GRM8: variants seen among roughly 807,000 people sequenced by gnomAD.
GRM8 encodes glutamate metabotropic receptor 8.
GRM8 carries 47 observed loss-of-function variants against 87.2 expected under a neutral mutation model. The observed-to-expected ratio is 0.54, with a 90% CI of 0.43 to 0.69. The LOEUF (loss-of-function observed/expected upper bound fraction) is 0.69, where lower values mean the gene tolerates loss of function less well. Ranked by LOEUF, GRM8 falls within the 30% of genes least tolerant of loss-of-function variation. GRM8 has a pLI of 0.00. For synonymous variants in GRM8, 396 were observed against 404.5 expected, an observed-to-expected ratio of 0.98 and a Z score of 0.25; for missense variants, 1,019 against 1,139.2, an observed-to-expected ratio of 0.89 and a Z score of 1.52.
At chr7:127,215,455 A>G (rs1472019256) in intron 2 of GRM8, among the ~76,000 whole-genome samples, 4 of 151,812 alleles carry the variant, frequency 2.6e-5, no homozygotes, top group South Asian at 4.2e-4. Flanking sequence ...ACCTTGTAAC[A>G]GCGCCCAAGT....
intron 10 of GRM8, among the ~76,000 whole-genome samples, chr7:126,440,162 C>G (rs1035666054): frequency 7.9e-5 from 12 of 151,758 alleles, no homozygotes; most frequent in Admixed American, 7.9e-4. Flanking sequence ...GTCTGTAATC[C>G]CAGCACTTTG....
chr7:126,592,471 T>C (rs886166965), intron 8 of GRM8, among the ~76,000 whole-genome samples: 17 of 152,156 alleles, frequency 1.1e-4, no homozygotes, highest in African/African-American at 3.8e-4. Context: ...CAAGGATGGT[T>C]CAACATATGT....
At chr7:127,114,426 C>T (rs1563523031) in intron 2 of GRM8, among the ~76,000 whole-genome samples, 1 of 152,118 alleles carries the variant, frequency 6.6e-6, no homozygotes, top group Non-Finnish European at 1.5e-5. Context: ...TACACACCTG[C>T]ACAAAAGGGG....
At chr7:126,894,183 A>G (rs1334480901) in intron 6 of GRM8, among the ~76,000 whole-genome samples, 1 of 152,068 alleles carries the variant, frequency 6.6e-6, no homozygotes, top group Non-Finnish European at 1.5e-5. Flanking sequence ...GGTTCCCTCA[A>G]CTGAAGTTTA....
intron 2 of GRM8, among the ~76,000 whole-genome samples, chr7:127,188,307 T>C (rs1794841988): frequency 6.6e-6 from 1 of 152,220 alleles, no homozygotes; most frequent in Admixed American, 6.5e-5. Flanking sequence ...ATTATGCCTC[T>C]GAAATAATTA....
chr7:127,222,041 C>G (rs1211280135), intron 2 of GRM8, among the ~76,000 whole-genome samples: 1 of 152,188 alleles, frequency 6.6e-6, no homozygotes, highest in East Asian at 1.9e-4. Flanking sequence ...AGAGAAATGC[C>G]CCCACAGTGT....
At chr7:127,006,702 T>C (rs1045270681) in intron 3 of GRM8, among the ~76,000 whole-genome samples, 31 of 152,168 alleles carry the variant, frequency 2.0e-4, no homozygotes, top group African/African-American at 6.7e-4. Flanking sequence ...TTTTCTTTTT[T>C]CCTCAGTTTC....
intron 3 of GRM8, among the ~76,000 whole-genome samples, chr7:127,020,286 C>T (rs375239224): frequency 2.0e-5 from 3 of 152,228 alleles, no homozygotes; most frequent in East Asian, 3.9e-4. Context: ...GGTCATATGC[C>T]TGGGCACAGC....
At chr7:126,825,911 C>T (rs1586091299) in intron 6 of GRM8, among the ~76,000 whole-genome samples, 1 of 150,526 alleles carries the variant, frequency 6.6e-6, no homozygotes. Flanking sequence ...TGATGTTCCC[C>T]TTCCTGTGTC....
rs61751057 is a variant in GRM8, at chr7:126,533,826, G to A, written c.1556C>T (p.Pro519Leu). The change falls in exon 9 of 11, where the codon CCG becomes CTG. Residue 519 changes from proline (P) to leucine (L), a missense_variant. Pro to Leu is a moderately conservative substitution (Grantham distance 98). Coordinates refer to ENST00000339582, the MANE Select transcript of GRM8 (RefSeq NM_000845.3). ...TTTCTTCCTCTCCCCTGGCTTACACGGCAGGCTGCAGACAGACGCCGGGTG... is the reference window on the plus strand; with the variant it reads ...TTTCTTCCTCTCCCCTGGCTTACACAGCAGGCTGCAGACAGACGCCGGGTG... The part of the protein sequence containing the change: ...HTHPASVCSL[P>L]CKPGERKKTV... 29 of 1,613,980 alleles carry A rather than the reference G, an allele frequency of 1.8e-5. No individual in the cohort carries two copies. The highest frequency in any genetic ancestry group is 1.1e-4 in the East Asian group (5 of 44,880).
Position 126,772,911 on chromosome 7 carries a change from T to C in GRM8, c.1157-2846A>G, listed in dbSNP as rs117239746. ...GAGTTCAGTTTTCTAAGTTAAAATG[T>C]CAGAGGGCTAATTTAATTGTCCTGA... On this transcript the variant is annotated intron_variant, in intron 6 of 10. Coordinates refer to ENST00000339582, the MANE Select transcript of GRM8 (RefSeq NM_000845.3). Among the ~76,000 whole-genome samples, 773 of 152,252 alleles carry C rather than the reference T, an allele frequency of 5.1e-3. 4 individuals carry two copies. The highest frequency in any genetic ancestry group is 8.7e-3 in the Non-Finnish European group (595 of 68,012).
At chr7:126,816,196 A>G (rs1238567154) in intron 6 of GRM8, among the ~76,000 whole-genome samples, 1 of 152,020 alleles carries the variant, frequency 6.6e-6, no homozygotes, top group Non-Finnish European at 1.5e-5. Flanking sequence ...AAGATGCCCC[A>G]CTTCCAGATG....
chr7:126,492,433 A>G (rs1808132598), intron 9 of GRM8, among the ~76,000 whole-genome samples: 1 of 152,070 alleles, frequency 6.6e-6, no homozygotes, highest in South Asian at 2.1e-4. Flanking sequence ...CAATGAGTAC[A>G]GTGTTATTAT....
intron 3 of GRM8, among the ~76,000 whole-genome samples, chr7:127,042,758 C>T (rs1397796286): frequency 2.0e-5 from 3 of 152,170 alleles, no homozygotes; most frequent in Non-Finnish European, 2.9e-5. Context: ...CCAAAATTGA[C>T]AAATGAGATC....
chr7:126,763,596 T>C (rs1817848009), intron 7 of GRM8, among the ~76,000 whole-genome samples: 1 of 151,640 alleles, frequency 6.6e-6, no homozygotes, highest in South Asian at 2.1e-4. Flanking sequence ...AGTTTCATAC[T>C]GGATTGATTA....
intron 8 of GRM8, among the ~76,000 whole-genome samples, chr7:126,568,687 A>G (rs1794446736): frequency 6.6e-6 from 1 of 152,166 alleles, no homozygotes; most frequent in African/African-American, 2.4e-5. Context: ...ATTATAAATG[A>G]CCACATTAAA....
intron 9 of GRM8, among the ~76,000 whole-genome samples, chr7:126,521,237 G>A (rs1284488660): frequency 6.6e-6 from 1 of 152,022 alleles, no homozygotes; most frequent in Non-Finnish European, 1.5e-5. Context: ...GGTTATAGAG[G>A]AAGCTGTATT....
chr7:126,780,963 T>C (rs982561087), intron 6 of GRM8, among the ~76,000 whole-genome samples: 2 of 152,078 alleles, frequency 1.3e-5, no homozygotes, highest in Admixed American at 6.6e-5. Context: ...AAGGTGGTGA[T>C]GAAAGTGAAG....
intron 6 of GRM8, among the ~76,000 whole-genome samples, chr7:126,871,720 T>C (rs749319769): frequency 3.9e-5 from 6 of 152,196 alleles, no homozygotes; most frequent in Non-Finnish European, 8.8e-5. Context: ...CCTGCCAATA[T>C]ATGACCAAAG....
Sources: gnomAD v4.1 joint callset for allele counts (sites outside exome capture counted in the v4.1 genomes callset) on GRCh38, gnomAD v4.1.1 for gene constraint, MANE v1.5 for transcripts, NCBI Gene and HGNC (gene_info 2026-07-23, HGNC 2026-07-21) for gene names.